Variants in RGS7 observed in about 807,000 individuals in gnomAD.
The protein encoded by RGS7 is regulator of G protein signaling 7, also known as regulator of G-protein signaling 7.
A neutral mutation model predicts 81.1 loss-of-function variants in RGS7; 27 were observed. That is an observed-to-expected ratio of 0.33 (90% CI 0.25 to 0.46). RGS7 has a LOEUF of 0.46. Ranked by LOEUF, RGS7 falls within the 20% of genes least tolerant of loss-of-function variation. The probability of loss-of-function intolerance (pLI) is 1.00; values close to 1 mark genes in which losing one functional copy is unlikely to be tolerated. For missense variants in RGS7, 396 were observed against 607.4 expected, an observed-to-expected ratio of 0.65 and a Z score of 3.66; for synonymous variants, 208 against 207.7, an observed-to-expected ratio of 1.00 and a Z score of -0.01.
At chr1:240,879,400 T>C (rs535573525) in intron 6 of RGS7, among the ~76,000 whole-genome samples, 3 of 152,258 alleles carry the variant, frequency 2.0e-5, no homozygotes, top group Non-Finnish European at 4.4e-5. Flanking sequence ...TACTTCTCTT[T>C]CCTCTGGAAA....
At chr1:241,108,866 T>C (rs1185673041) in intron 2 of RGS7, among the ~76,000 whole-genome samples, 2 of 152,180 alleles carry the variant, frequency 1.3e-5, no homozygotes, top group Non-Finnish European at 2.9e-5. Context: ...CTCTCCAACT[T>C]GACAATTTTA....
intron 3 of RGS7, among the ~76,000 whole-genome samples, chr1:241,040,484 TTTA>T (rs2060558517): frequency 6.6e-6 from 1 of 151,522 alleles, no homozygotes; most frequent in South Asian, 2.1e-4. Context: ...TTTCTTTTTA[TTTA>T]TTTATTTATT....
intron 5 of RGS7, among the ~76,000 whole-genome samples, chr1:240,934,197 T>C (rs1261719321): frequency 6.6e-6 from 1 of 152,156 alleles, no homozygotes; most frequent in African/African-American, 2.4e-5. Context: ...CTCGACCTCA[T>C]GATCTGCCCA....
At chr1:240,920,110 A>T in intron 6 of RGS7, 2 of 902,742 alleles carry the variant, frequency 2.2e-6, no homozygotes, top group Non-Finnish European at 3.7e-6. Context: ...GTAATCTTTG[A>T]TGACTATGAC....
intron 2 of RGS7, among the ~76,000 whole-genome samples, chr1:241,209,341 A>G (rs1197118587): frequency 6.6e-6 from 1 of 152,222 alleles, no homozygotes. Context: ...GCAAGGTGAT[A>G]TTTAACAAAC....
Position 241,093,834 on chromosome 1 carries a change from CT to C in RGS7, c.175+4831del, listed in dbSNP as rs56006831. 5.8e-3 allele frequency among the ~76,000 whole-genome samples: 860 copies of C among 147,712 alleles called. 4 individuals carry two copies. The highest frequency in any genetic ancestry group is 9.1e-3 in the Non-Finnish European group (607 of 66,558). On this transcript the variant is annotated intron_variant, in intron 3 of 18. Transcript: ENST00000440928. ...TTTATAACATTTTTCATGTACACTC[CT>C]TTTTTTTTTGCAACCATAAATACTT... is the stretch of plus-strand genomic sequence containing the variant.
intron 6 of RGS7, among the ~76,000 whole-genome samples, chr1:240,900,884 C>T (rs1203824900): frequency 1.3e-5 from 2 of 152,212 alleles, no homozygotes; most frequent in African/African-American, 4.8e-5. Flanking sequence ...TATGCCCTGC[C>T]ACCAGAGGTG....
intron 2 of RGS7, among the ~76,000 whole-genome samples, chr1:241,298,933 A>T (rs1016725999): frequency 2.6e-5 from 4 of 152,228 alleles, no homozygotes; most frequent in Non-Finnish European, 5.9e-5. Context: ...AAATACAAAA[A>T]CAAATGTAAC....
intron 3 of RGS7, among the ~76,000 whole-genome samples, chr1:240,989,067 A>G (rs1291210131): frequency 2.6e-5 from 4 of 152,174 alleles, no homozygotes; most frequent in Non-Finnish European, 5.9e-5. Flanking sequence ...ATCCTGGATA[A>G]CATGAGCGAC....
chr1:241,084,368 G>A (rs1310840652), intron 3 of RGS7, among the ~76,000 whole-genome samples: 3 of 152,040 alleles, frequency 2.0e-5, no homozygotes, highest in African/African-American at 4.8e-5. Context: ...CACTGTTAGA[G>A]GACCAAAATA....
chr1:241,192,390 G>A (rs542270024), intron 2 of RGS7, among the ~76,000 whole-genome samples: 2 of 152,020 alleles, frequency 1.3e-5, no homozygotes, highest in Non-Finnish European at 2.9e-5. Flanking sequence ...ACTGCCATGT[G>A]GTTTTTCAGG....
chr1:240,906,472 A>G (rs1670837943), intron 6 of RGS7, among the ~76,000 whole-genome samples: 1 of 152,238 alleles, frequency 6.6e-6, no homozygotes, highest in Non-Finnish European at 1.5e-5. Flanking sequence ...GGTCCTCCGT[A>G]TAACCTAAGC....
chr1:241,307,409 G>A (rs2080243821), intron 2 of RGS7, among the ~76,000 whole-genome samples: 1 of 152,102 alleles, frequency 6.6e-6, no homozygotes, highest in African/African-American at 2.4e-5. Flanking sequence ...AGGCTTTTTT[G>A]AGTGCATCAA....
chr1:241,171,885 G>C (rs571536950), intron 2 of RGS7, among the ~76,000 whole-genome samples: 108 of 152,292 alleles, frequency 7.1e-4, no homozygotes, highest in South Asian at 6.2e-3. Context: ...CAGAGCTAAC[G>C]CATCCTGTGG....
At chr1:241,124,832 G>A (rs2066536877) in intron 2 of RGS7, among the ~76,000 whole-genome samples, 1 of 152,220 alleles carries the variant, frequency 6.6e-6, no homozygotes, top group Non-Finnish European at 1.5e-5. Flanking sequence ...GGACACTGTA[G>A]GCGCTGCAGG....
At chr1:241,316,861 T>A (rs1259044235) in intron 2 of RGS7, among the ~76,000 whole-genome samples, 1 of 152,240 alleles carries the variant, frequency 6.6e-6, no homozygotes, top group African/African-American at 2.4e-5. Context: ...TGTGAGCCAC[T>A]TTTTTGTTGC....
chr1:241,086,815 G>A (rs2063477980), intron 3 of RGS7, among the ~76,000 whole-genome samples: 2 of 152,060 alleles, frequency 1.3e-5, no homozygotes, highest in Middle Eastern at 3.2e-3. Context: ...AAGGTCACGC[G>A]ACAATATTTG....
chr1:241,061,721 T>G (rs986341448), intron 3 of RGS7, among the ~76,000 whole-genome samples: 2 of 152,240 alleles, frequency 1.3e-5, no homozygotes, highest in Admixed American at 6.5e-5. Flanking sequence ...ATTAACCAGG[T>G]GAAGGTTTGG....
intron 2 of RGS7, among the ~76,000 whole-genome samples, chr1:241,230,808 G>A (rs879272131): frequency 1.3e-5 from 2 of 152,174 alleles, no homozygotes; most frequent in African/African-American, 4.8e-5. Flanking sequence ...AGGAAGCTTG[G>A]GAAGGAAACA....
Sources: allele counts gnomAD v4.1 joint callset (sites outside exome capture counted in the v4.1 genomes callset), GRCh38; gene constraint gnomAD v4.1.1; transcripts MANE v1.5; gene names NCBI Gene and HGNC (gene_info 2026-07-23, HGNC 2026-07-21).